MED13L: variants seen among roughly 807,000 people sequenced by gnomAD.
The protein encoded by MED13L is mediator complex subunit 13L.
Under a neutral mutation model 220.9 loss-of-function variants are expected in MED13L, and 7 were observed. That is an observed-to-expected ratio of 0.03 (90% confidence interval 0.02 to 0.06). The LOEUF is 0.06. Ranked by LOEUF, MED13L falls within the 10% of genes least tolerant of loss-of-function variation. The pLI is 1.00. For synonymous variants in MED13L, 1,011 were observed against 1,015.2 expected (o/e 1.00, Z 0.08); for missense variants, 1,965 against 2,760.5 (o/e 0.71, Z 6.46).
chr12:115,970,862 T>G (rs1281234805), intron 26 of MED13L, 92 bp from the exon 27 acceptor site: 2 of 1,205,310 alleles, frequency 1.7e-6, no homozygotes, highest in African/African-American at 3.0e-5. Flanking sequence ...ATGAGTCTGA[T>G]GAAAATGCCA....
At chr12:116,101,139 A>C (rs1423091496) in intron 3 of MED13L, among the ~76,000 whole-genome samples, 1 of 152,018 alleles carries the variant, frequency 6.6e-6, no homozygotes, top group African/African-American at 2.4e-5. Context: ...TTTGAATTCT[A>C]TTCATTCTTT....
At chr12:116,064,552 C>A (rs1839497130) in intron 4 of MED13L, among the ~76,000 whole-genome samples, 1 of 152,080 alleles carries the variant, frequency 6.6e-6, no homozygotes, top group South Asian at 2.1e-4. Flanking sequence ...GAAAGTATGA[C>A]CGAAAGCAAG....
chr12:116,220,690 C>T (rs1883258026), intron 2 of MED13L, among the ~76,000 whole-genome samples: 4 of 152,162 alleles, frequency 2.6e-5, no homozygotes, highest in Admixed American at 2.6e-4. Flanking sequence ...CAGAGCGAGA[C>T]TCTGTCTCAA....
intron 3 of MED13L, among the ~76,000 whole-genome samples, chr12:116,108,230 T>C (rs1045318561): frequency 6.6e-6 from 1 of 152,058 alleles, no homozygotes; most frequent in Non-Finnish European, 1.5e-5. Context: ...AGTAAATAAA[T>C]TCTCAATAAA....
At position 115,991,641 on chromosome 12, in the gene MED13L, C is replaced by T. The variant is rs779108027; in HGVS notation, c.3313G>A (p.Glu1105Lys). Residue 1105 changes from glutamate (E) to lysine (K), a missense_variant, in exon 17 of 31, where the codon GAA becomes AAA. Physicochemically the swap from Glu to Lys is moderately conservative, Grantham distance 56. Transcript: ENST00000281928. This position sits in a 1 kb window ranked among gnomAD's most constrained non-coding sequence, Gnocchi z 7.7. The stretch of plus-strand genomic sequence containing the variant: ...AGGGTAACATAGAGGCTGTGGGCTT[C>T]GGGAATTGGCTGCATGGTGGCGGGC... Reference protein sequence around the residue: ...VEPATMQPIPEAHSLYVTLIL... With the variant: ...VEPATMQPIPKAHSLYVTLIL... 1.2e-6 allele frequency: 2 copies of T among 1,613,902 alleles called. No homozygotes were observed. Among genetic ancestry groups the T allele is most frequent in the Non-Finnish European group, 1.7e-6 (2 of 1,180,014 alleles).
chr12:115,978,557 C>T (rs1877114321), intron 23 of MED13L, among the ~76,000 whole-genome samples: 1 of 152,104 alleles, frequency 6.6e-6, no homozygotes, highest in Non-Finnish European at 1.5e-5. Flanking sequence ...GAACTCCTGA[C>T]CTCAGGTGAC....
intron 8 of MED13L, among the ~76,000 whole-genome samples, chr12:116,014,199 T>C (rs547468744): frequency 1.3e-5 from 2 of 152,272 alleles, no homozygotes; most frequent in South Asian, 4.1e-4. Context: ...AAAAGCTGGG[T>C]CCAAAGGACA....
intron 2 of MED13L, among the ~76,000 whole-genome samples, chr12:116,202,682 C>T (rs994947067): frequency 3.3e-5 from 5 of 152,132 alleles, no homozygotes; most frequent in Non-Finnish European, 7.4e-5. Context: ...TCTCCTGTGG[C>T]TGTGATGCAC....
intron 2 of MED13L, among the ~76,000 whole-genome samples, chr12:116,186,552 A>T (rs1373168666): frequency 1.3e-5 from 2 of 152,200 alleles, no homozygotes; most frequent in African/African-American, 4.8e-5. Flanking sequence ...AGAAATCCTG[A>T]GGTAGGCATG....
chr12:116,034,278 T>A (rs959396088), intron 4 of MED13L, among the ~76,000 whole-genome samples: 1 of 152,072 alleles, frequency 6.6e-6, no homozygotes, highest in Non-Finnish European at 1.5e-5. Context: ...GTGCTTGCCA[T>A]AGGTAGATGC....
At chr12:116,101,396 C>T (rs574276565) in intron 3 of MED13L, among the ~76,000 whole-genome samples, 1 of 152,242 alleles carries the variant, frequency 6.6e-6, no homozygotes, top group Admixed American at 6.5e-5. Flanking sequence ...GAAATGAATG[C>T]CATATACCAA....
rs372265285 is a variant in MED13L, at chr12:116,237,686, T to C, written c.92A>G (p.Lys31Arg). The C allele has an allele frequency of 6.2e-7, 1 of 1,614,166 alleles. No homozygotes were observed. The highest frequency in any genetic ancestry group is 8.5e-7 in the Non-Finnish European group (1 of 1,180,024). Residue 31 changes from lysine to arginine, a missense_variant, in exon 2 of 31, where the codon AAA becomes AGA. By Grantham distance (26) the Lys-to-Arg change is conservative (BLOSUM62 2). Around this residue, in one of 10 missense-constraint regions of MED13L, gnomAD observed 818 missense variants for 1,041.2 expected, o/e 0.79. Transcript: ENST00000281928. ...CCCTCCAAAATTGTACCTACGCCAT[T>C]TGATTCCCGTGAGTTCAGCCTGGAA... is the stretch of plus-strand genomic sequence containing the variant. ...LFSLAELTGI[K>R]WRRYNFGGHG...
chr12:116,065,823 G>A (rs1480903705), intron 4 of MED13L, among the ~76,000 whole-genome samples: 1 of 152,190 alleles, frequency 6.6e-6, no homozygotes, highest in African/African-American at 2.4e-5. Flanking sequence ...TAAAGAATGA[G>A]TACAAATTGC....
chr12:115,963,292 T>C, intron 30 of MED13L, 115 bp downstream of exon 30: 1 of 840,736 alleles, frequency 1.2e-6, no homozygotes, highest in Non-Finnish European at 2.0e-6. Context: ...ACTGTATCAC[T>C]GCACAAACGG....
intron 4 of MED13L, among the ~76,000 whole-genome samples, chr12:116,095,711 T>C (rs1234981490): frequency 6.6e-6 from 1 of 152,170 alleles, no homozygotes; most frequent in Non-Finnish European, 1.5e-5. Flanking sequence ...AAATTTAAAT[T>C]GAATACCATG....
intron 4 of MED13L, among the ~76,000 whole-genome samples, chr12:116,090,528 A>G (rs1872110435): frequency 6.6e-6 from 1 of 152,216 alleles, no homozygotes; most frequent in Non-Finnish European, 1.5e-5. Context: ...AATAAAAGAT[A>G]TGGATATATA....
At chr12:116,042,645 G>A (rs1881602979) in intron 4 of MED13L, among the ~76,000 whole-genome samples, 2 of 152,052 alleles carry the variant, frequency 1.3e-5, no homozygotes, top group African/African-American at 4.8e-5. Flanking sequence ...TTATTACCAG[G>A]AGTACTATTT....
rs150594116 is a variant in MED13L, at chr12:116,254,539, A to G, written c.73-16834T>C. Among the ~76,000 whole-genome samples, 721 of 152,190 alleles carry G rather than the reference A, an allele frequency of 4.7e-3. 6 individuals carry two copies. Among genetic ancestry groups the G allele is most frequent in the African/African-American group, 0.017 (694 of 41,464 alleles). On this transcript the variant is annotated intron_variant, in intron 1 of 30. Transcript: ENST00000281928. Reference sequence around the variant, plus strand: ...CAAGGCAGGCAGATCACTTTAGGTCAGGAGTTCAAGACCAGCCTGGTCAAC... The same window carrying G: ...CAAGGCAGGCAGATCACTTTAGGTCGGGAGTTCAAGACCAGCCTGGTCAAC...
chr12:116,055,612 C>T (rs562086798), intron 4 of MED13L, among the ~76,000 whole-genome samples: 1 of 152,086 alleles, frequency 6.6e-6, no homozygotes, highest in Non-Finnish European at 1.5e-5. Context: ...ATGCCATGAC[C>T]GGCCAGGTGC....
Sources: gnomAD v4.1 joint callset for allele counts (sites outside exome capture counted in the v4.1 genomes callset) on GRCh38, gnomAD v4.1.1 for gene constraint, gnomAD v4.1.1 regional missense constraint, Gnocchi (gnomAD v3.1) non-coding constraint, MANE v1.5 for transcripts, NCBI Gene and HGNC (gene_info 2026-07-23, HGNC 2026-07-21) for gene names.